The following EPS15 variants were observed in gnomAD, a reference collection of about 807,000 sequenced individuals.
EPS15 encodes the protein epidermal growth factor receptor substrate 15.
EPS15 carries 72 observed loss-of-function variants against 113.8 expected under a neutral mutation model. The ratio of observed to expected loss-of-function variants is 0.63; its 90% CI spans 0.52 to 0.77. The LOEUF is 0.77. EPS15 is among the 30% of genes least tolerant of loss of function. The pLI, the probability that EPS15 is intolerant of heterozygous loss-of-function variation, is 0.00. For synonymous variants in EPS15, 344 were observed against 363.4 expected, an observed-to-expected ratio of 0.95 and a Z score of 0.61; for missense variants, 1,048 against 1,045.8, an observed-to-expected ratio of 1.00 and a Z score of -0.03.
In EPS15 at chr1:51,356,690, A is replaced by G; in HGVS notation, c.*10T>C. On this transcript the variant is annotated 3_prime_UTR_variant, in exon 25 of 25. Coordinates refer to ENST00000371733, the MANE Select transcript of EPS15 (RefSeq NM_001981.3). ...AATACTATATTGTTGCCAAAGAACA[A>G]GAGAATTCTTCATGCTTCTGATATC... is the stretch of plus-strand genomic sequence containing the variant. 1 of 1,606,898 alleles carries G rather than the reference A, an allele frequency of 6.2e-7. No homozygotes were observed. Among genetic ancestry groups the G allele is most frequent in the Non-Finnish European group, 8.5e-7 (1 of 1,178,976 alleles).
At chr1:51,455,697 T>C (rs1055709308) in intron 8 of EPS15, among the ~76,000 whole-genome samples, 17 of 152,152 alleles carry the variant, frequency 1.1e-4, no homozygotes. Context: ...CTCGGAAATA[T>C]ATTTCCAATA....
chr1:51,514,021 A>G (rs1644671411), intron 1 of EPS15, among the ~76,000 whole-genome samples: 1 of 152,176 alleles, frequency 6.6e-6, no homozygotes, highest in South Asian at 2.1e-4. Flanking sequence ...AGGTAGATAA[A>G]AACTACAACC....
intron 12 of EPS15, among the ~76,000 whole-genome samples, chr1:51,436,737 T>A (rs942417067): frequency 1.2e-4 from 18 of 151,976 alleles, no homozygotes; most frequent in African/African-American, 4.1e-4. Flanking sequence ...AGGTAAGGAA[T>A]CAATTCAACA....
intron 4 of EPS15, among the ~76,000 whole-genome samples, chr1:51,471,114 A>G (rs1179327083): frequency 6.6e-6 from 1 of 152,192 alleles, no homozygotes; most frequent in Admixed American, 6.5e-5. Context: ...AACTTTGAGT[A>G]GTGGCACTCA....
intron 1 of EPS15, among the ~76,000 whole-genome samples, chr1:51,513,086 C>T (rs1173275898): frequency 6.6e-6 from 1 of 152,068 alleles, no homozygotes. Flanking sequence ...CCGCCTCAGC[C>T]TCCCAAAGCA....
intron 12 of EPS15, among the ~76,000 whole-genome samples, chr1:51,426,740 C>A (rs567639217): frequency 4.0e-5 from 6 of 151,818 alleles, no homozygotes; most frequent in African/African-American, 1.4e-4. Context: ...TTCACTGGGT[C>A]TCCAGCCTGC....
chr1:51,440,261 T>C (rs1312174591), intron 12 of EPS15, 86 bp downstream of exon 12: 3 of 477,644 alleles, frequency 6.3e-6, no homozygotes, highest in African/African-American at 4.1e-5. Flanking sequence ...GGAAGTTGTA[T>C]ACATATATAC....
chr1:51,497,361 A>G (rs1644341828), intron 1 of EPS15, among the ~76,000 whole-genome samples: 1 of 152,252 alleles, frequency 6.6e-6, no homozygotes, highest in Non-Finnish European at 1.5e-5. Context: ...TCCCCTTCTC[A>G]GATGAGATAA....
rs138454152 is a variant in EPS15 at position 51,374,562 on chromosome 1, C to A, written c.2120-8533G>T. ...GAGGTTGCAGTGAGCTGAGATTGCG[C>A]CATTGCACTCCAGCTCAGGCAACAA... On this transcript the variant is annotated intron_variant, in intron 21 of 24. Transcript: ENST00000371733. Among the ~76,000 whole-genome samples the A allele has an allele frequency of 3.3e-3, 498 of 152,222 alleles. 4 individuals are homozygous for A. Among genetic ancestry groups the A allele is most frequent in the African/African-American group, 0.011 (472 of 41,504 alleles).
At chr1:51,485,007 T>C (rs1311327066) in intron 1 of EPS15, among the ~76,000 whole-genome samples, 5 of 152,250 alleles carry the variant, frequency 3.3e-5, no homozygotes, top group Admixed American at 3.3e-4. Context: ...CATAAGCCTT[T>C]TCAGGAGCAA....
intron 21 of EPS15, among the ~76,000 whole-genome samples, chr1:51,384,866 A>G (rs1026493811): frequency 6.6e-6 from 1 of 152,238 alleles, no homozygotes; most frequent in African/African-American, 2.4e-5. Context: ...CTTCACAAGA[A>G]AAGATGATGG....
chr1:51,384,268 C>A (rs188417077), intron 21 of EPS15, among the ~76,000 whole-genome samples: 159 of 151,140 alleles, frequency 1.1e-3, no homozygotes, highest in African/African-American at 3.8e-3. Flanking sequence ...ACCTGAATAG[C>A]CAAAGCAGTC....
At chr1:51,400,839 G>C in intron 19 of EPS15, 79 bp downstream of exon 19, 1 of 872,510 alleles carries the variant, frequency 1.1e-6, no homozygotes, top group East Asian at 2.9e-5. Flanking sequence ...TGGGGCTTCA[G>C]TTTCAGACCT....
In EPS15 at chr1:51,402,449, TC is replaced by T; in HGVS notation, c.1867del (p.Asp623IlefsTer63). 1 of 1,574,620 alleles carries T rather than the reference TC, an allele frequency of 6.4e-7. No individual in the cohort carries two copies. Among genetic ancestry groups the T allele is most frequent in the Non-Finnish European group, 8.7e-7 (1 of 1,152,842 alleles). ...AGAGTACTTACTGCCAACAAAAGGA[TC>T]AGACTGGAAAAAATCCAAGTTTGTA... ...ADTNLDFFQS[D>X]PFVGSDPFKD... On this transcript the variant is annotated frameshift_variant, in exon 18 of 25. Coordinates refer to ENST00000371733, the MANE Select transcript of EPS15 (RefSeq NM_001981.3). LOFTEE classifies it high-confidence loss of function.
intron 1 of EPS15, among the ~76,000 whole-genome samples, chr1:51,510,971 G>T (rs1023983878): frequency 6.6e-6 from 1 of 152,060 alleles, no homozygotes; most frequent in Non-Finnish European, 1.5e-5. Context: ...TTCGAGACCA[G>T]CCTGGCCAAC....
At chr1:51,434,078 T>C (rs932227112) in intron 12 of EPS15, among the ~76,000 whole-genome samples, 14 of 152,226 alleles carry the variant, frequency 9.2e-5, no homozygotes, top group African/African-American at 3.4e-4. Flanking sequence ...ATCACAGATA[T>C]ACATGTTCTT....
At chr1:51,357,389 AAAATATATATATATATATATAT>A (rs1301886621) in intron 24 of EPS15, among the ~76,000 whole-genome samples, 1 of 57,676 alleles carries the variant, frequency 1.7e-5, no homozygotes, top group African/African-American at 9.2e-5. Flanking sequence ...AAAAAAAAAA[AAAATATATATATATATATATAT>A]ATATATATAT....
intron 21 of EPS15, among the ~76,000 whole-genome samples, chr1:51,390,452 A>C (rs981147301): frequency 2.4e-4 from 36 of 152,226 alleles, no homozygotes; most frequent in Non-Finnish European, 4.7e-4. Context: ...AACAGAAGCC[A>C]AAATTGACAA....
At chr1:51,372,332 C>G (rs889720927) in intron 21 of EPS15, 8 of 532,034 alleles carry the variant, frequency 1.5e-5, no homozygotes, top group Middle Eastern at 6.2e-4. Flanking sequence ...TGGATCATTT[C>G]AACCGAATCA....
Sources: allele counts gnomAD v4.1 joint callset (sites outside exome capture counted in the v4.1 genomes callset), GRCh38; gene constraint gnomAD v4.1.1; transcripts MANE v1.5; gene names NCBI Gene and HGNC (gene_info 2026-07-23, HGNC 2026-07-21).